SORCS1: variants seen among roughly 807,000 people sequenced by gnomAD.
SORCS1 encodes sortilin related VPS10 domain containing receptor 1.
Under a neutral mutation model 146.1 loss-of-function variants are expected in SORCS1, and 60 were observed. That is an observed-to-expected ratio of 0.41 (90% CI 0.33 to 0.51). SORCS1 has a LOEUF of 0.51. Ranked by LOEUF, SORCS1 falls within the 20% of genes least tolerant of loss-of-function variation. SORCS1 has a pLI of 0.21. For synonymous variants in SORCS1, 637 were observed against 584.0 expected, an observed-to-expected ratio of 1.09 and a Z score of -1.31; for missense variants, 1,352 against 1,487.6, an observed-to-expected ratio of 0.91 and a Z score of 1.50.
rs145561903 is a variant in SORCS1, at chr10:106,644,061, G to A, written c.2475+8321C>T. Among the ~76,000 whole-genome samples, 61 of 152,172 alleles carry A rather than the reference G, an allele frequency of 4.0e-4. No homozygotes were observed. The East Asian group carries it at 0.01, about 26-fold the overall frequency. ...GCAGGTAAACACAGGGTGGAAGGTCGGCCCTAAGCATACCAGAAAGGTTTT... is the reference window on the plus strand; with the variant it reads ...GCAGGTAAACACAGGGTGGAAGGTCAGCCCTAAGCATACCAGAAAGGTTTT... On this transcript the variant is annotated intron_variant, in intron 18 of 25. Transcript: ENST00000263054.
At chr10:106,730,028 G>A (rs1401547585) in intron 6 of SORCS1, 22 bp downstream of exon 6, 1 of 1,613,270 alleles carries the variant, frequency 6.2e-7, no homozygotes, top group Non-Finnish European at 8.5e-7. Context: ...TATGAGTATT[G>A]CGGCAAAGTT....
At chr10:106,818,699 A>G (rs1044075887) in intron 3 of SORCS1, among the ~76,000 whole-genome samples, 1 of 152,226 alleles carries the variant, frequency 6.6e-6, no homozygotes, top group African/African-American at 2.4e-5. Context: ...GTGGAAATTA[A>G]CATGTTTTAC....
chr10:106,697,388 G>T (rs571678361), intron 9 of SORCS1, among the ~76,000 whole-genome samples: 2 of 151,818 alleles, frequency 1.3e-5, no homozygotes, highest in Non-Finnish European at 2.9e-5. Context: ...CCCAGGAGGC[G>T]GAGATTGCAG....
At chr10:107,079,986 T>C (rs553306128) in intron 1 of SORCS1, among the ~76,000 whole-genome samples, 1 of 152,384 alleles carries the variant, frequency 6.6e-6, no homozygotes, top group Non-Finnish European at 1.5e-5. Context: ...AACATAATTA[T>C]GCTCATGCAA....
At chr10:106,607,572 T>C (rs1390349400) in intron 22 of SORCS1, among the ~76,000 whole-genome samples, 1 of 152,218 alleles carries the variant, frequency 6.6e-6, no homozygotes, top group African/African-American at 2.4e-5. Flanking sequence ...TTCCTTTAAA[T>C]AGAAGACAGG....
intron 1 of SORCS1, among the ~76,000 whole-genome samples, chr10:107,007,011 T>C (rs1030018513): frequency 6.6e-6 from 1 of 152,236 alleles, no homozygotes; most frequent in Non-Finnish European, 1.5e-5. Flanking sequence ...TCATTTCCCT[T>C]GTATCTCCAT....
At chr10:107,105,421 C>T (rs1264138808) in intron 1 of SORCS1, among the ~76,000 whole-genome samples, 1 of 152,162 alleles carries the variant, frequency 6.6e-6, no homozygotes, top group African/African-American at 2.4e-5. Context: ...GGTGAAGTCC[C>T]ACAACAGGCC....
In SORCS1 at chr10:106,960,890, G is replaced by A. The variant is rs915831098; in HGVS notation, c.559-4310C>T. ...GCACTGAGCCACATTTTCATAACCC[G>A]GGCTCCCAAACTATTAGTGACCCTT... On this transcript the variant is annotated intron_variant, in intron 1 of 25. Transcript: ENST00000263054. This position sits in a 1 kb window ranked among gnomAD's most constrained non-coding sequence, Gnocchi z 4.4. Among the ~76,000 whole-genome samples the A allele has an allele frequency of 2.0e-5, 3 of 152,062 alleles. No homozygotes were observed. The highest frequency in any genetic ancestry group is 6.6e-5 in the Admixed American group (1 of 15,250).
intron 2 of SORCS1, among the ~76,000 whole-genome samples, chr10:106,836,553 C>T (rs112174010): frequency 2.9e-4 from 44 of 151,682 alleles, no homozygotes; most frequent in African/African-American, 9.7e-4. Context: ...ACTGCCATGC[C>T]TCTGTCAAAA....
Position 107,164,219 on chromosome 10 carries a change from G to C in SORCS1, c.308C>G (p.Ala103Gly). ...RGTGASMAVAARSGRRRRSGA... is the reference protein window; with the variant it reads ...RGTGASMAVAGRSGRRRRSGA... ...GCTCCGTCTCCTCCGGCCGGAGCGTGCAGCAACCGCCATGGATGCCCCAGT... is the reference window on the plus strand; with the variant it reads ...GCTCCGTCTCCTCCGGCCGGAGCGTCCAGCAACCGCCATGGATGCCCCAGT... Residue 103 changes from alanine (A) to glycine (G), a missense_variant, in exon 1 of 26, where the codon GCA becomes GGA. By Grantham distance (60) the Ala-to-Gly change is moderately conservative. This residue lies in a region of SORCS1 where 490 missense variants were observed against 489.1 expected (regional missense o/e 1.00). Coordinates refer to ENST00000263054, the MANE Select transcript of SORCS1 (RefSeq NM_052918.5). The surrounding 1 kb of genome is among the most constrained non-coding windows in gnomAD (Gnocchi z 6.8). 6.2e-7 allele frequency: 1 copy of C among 1,607,958 alleles called. No individual in the cohort carries two copies. The highest frequency in any genetic ancestry group is 1.1e-5 in the South Asian group (1 of 91,056).
At chr10:106,714,684 A>G (rs1855240536) in intron 6 of SORCS1, among the ~76,000 whole-genome samples, 1 of 152,204 alleles carries the variant, frequency 6.6e-6, no homozygotes. Context: ...GATATATATG[A>G]GATGTCAACA....
At chr10:106,663,275 G>C (rs1850876240) in intron 17 of SORCS1, among the ~76,000 whole-genome samples, 1 of 152,034 alleles carries the variant, frequency 6.6e-6, no homozygotes, top group Non-Finnish European at 1.5e-5. Flanking sequence ...GAAAATAGAA[G>C]AACAATGTAT....
intron 1 of SORCS1, among the ~76,000 whole-genome samples, chr10:107,061,031 G>T (rs1961166469): frequency 6.6e-6 from 1 of 151,940 alleles, no homozygotes; most frequent in Non-Finnish European, 1.5e-5. Flanking sequence ...CAGTAATTTT[G>T]CCTGACAAGT....
chr10:106,992,118 T>TCAACACA (rs1167477896), intron 1 of SORCS1, among the ~76,000 whole-genome samples: 6 of 152,178 alleles, frequency 3.9e-5, no homozygotes, highest in Non-Finnish European at 5.9e-5. Flanking sequence ...AGGATCACAA[T>TCAACACA]GGACAGGCTG....
At chr10:106,728,206 A>G (rs1856343324) in intron 6 of SORCS1, among the ~76,000 whole-genome samples, 2 of 152,064 alleles carry the variant, frequency 1.3e-5, no homozygotes, top group Non-Finnish European at 2.9e-5. Flanking sequence ...TAATTTTTGT[A>G]TTTTTAGTAG....
chr10:107,045,047 AT>A (rs1959247621), intron 1 of SORCS1, among the ~76,000 whole-genome samples: 1 of 152,098 alleles, frequency 6.6e-6, no homozygotes, highest in South Asian at 2.1e-4. Context: ...GTAACTTCAG[AT>A]CCTTCAGTCT....
intron 6 of SORCS1, among the ~76,000 whole-genome samples, chr10:106,721,922 A>G (rs572928341): frequency 6.6e-6 from 1 of 152,340 alleles, no homozygotes; most frequent in East Asian, 1.9e-4. Context: ...AGTTCTATGT[A>G]TCAATTAACC....
intron 17 of SORCS1, among the ~76,000 whole-genome samples, chr10:106,653,736 A>T (rs925857278): frequency 1.3e-5 from 2 of 152,258 alleles, no homozygotes; most frequent in Admixed American, 6.5e-5. Context: ...AATGTCAATT[A>T]TTAATGCTTA....
At chr10:106,851,552 A>G (rs1949573943) in intron 2 of SORCS1, among the ~76,000 whole-genome samples, 1 of 152,162 alleles carries the variant, frequency 6.6e-6, no homozygotes, top group African/African-American at 2.4e-5. Context: ...ACTCTGTTCC[A>G]TTGATCTATG....
Sources: gnomAD v4.1 joint callset for allele counts (sites outside exome capture counted in the v4.1 genomes callset) on GRCh38, gnomAD v4.1.1 for gene constraint, gnomAD v4.1.1 regional missense constraint, Gnocchi (gnomAD v3.1) non-coding constraint, MANE v1.5 for transcripts, NCBI Gene and HGNC (gene_info 2026-07-23, HGNC 2026-07-21) for gene names.